The following NEBL variants were observed in gnomAD, a reference collection of about 807,000 sequenced individuals.
NEBL encodes the protein LIM and SH3 protein 2.
Under a neutral mutation model 140.2 loss-of-function variants are expected in NEBL, and 122 were observed. That is an observed-to-expected ratio of 0.87 (90% CI 0.75 to 1.01). The LOEUF is 1.01. Among genes scored for constraint, NEBL ranks in the 50% least tolerant of loss-of-function variants. The probability of loss-of-function intolerance (pLI) is 0.00; values close to 1 mark genes in which losing one functional copy is unlikely to be tolerated. For missense variants in NEBL, 1,365 were observed against 1,231.3 expected (o/e 1.11, Z -1.62); for synonymous variants, 436 against 398.9 (o/e 1.09, Z -1.11).
chr10:21,105,180 T>C (rs556372519), intron 2 of NEBL, among the ~76,000 whole-genome samples: 1 of 149,646 alleles, frequency 6.7e-6, no homozygotes, highest in East Asian at 1.9e-4. Context: ...CCTGTAATAA[T>C]CTTCATTTCT....
chr10:21,139,124 A>T (rs1336403909), intron 2 of NEBL, among the ~76,000 whole-genome samples: 1 of 152,190 alleles, frequency 6.6e-6, no homozygotes, highest in African/African-American at 2.4e-5. Flanking sequence ...CTCAGATGTT[A>T]AGAGTCACGG....
At chr10:21,168,806 T>A (rs1252266463) in intron 2 of NEBL, among the ~76,000 whole-genome samples, 1 of 151,430 alleles carries the variant, frequency 6.6e-6, no homozygotes, top group Admixed American at 6.6e-5. Flanking sequence ...CTCAGCACTT[T>A]GGGAGGCTGA....
chr10:20,927,056 G>C (rs1036925151), intron 4 of NEBL, among the ~76,000 whole-genome samples: 5 of 152,186 alleles, frequency 3.3e-5, no homozygotes, highest in African/African-American at 1.2e-4. Flanking sequence ...AGGAACTGGA[G>C]AGATTTGGAG....
Position 21,173,941 on chromosome 10 carries a change from G to T in NEBL, c.-108C>A. On this transcript the variant is annotated 5_prime_UTR_variant, in exon 1 of 7. Transcript: ENST00000417816. This position sits in a 1 kb window ranked among gnomAD's most constrained non-coding sequence, Gnocchi z 5.7. ...GCCTCCTGGCAGGCGGGAGGGCTGC[G>T]GGCGGCGGGCGCCGGGTAGGGAGTC... 7.2e-7 allele frequency: 1 copy of T among 1,394,036 alleles called. No individual in the cohort carries two copies. The highest frequency in any genetic ancestry group is 1.5e-5 in the African/African-American group (1 of 65,268). The allele number at this position is 1,394,036 out of a possible 1,614,324, so 86.4% of individuals were successfully genotyped here. A position where few individuals can be genotyped will look rare whatever the true frequency, so the allele number is the denominator to read the frequency against.
At chr10:20,885,356 TAGC>T (rs1257259862) in intron 4 of NEBL, among the ~76,000 whole-genome samples, 1 of 152,220 alleles carries the variant, frequency 6.6e-6, no homozygotes, top group African/African-American at 2.4e-5. Flanking sequence ...ATCTTTGAAG[TAGC>T]CGCCTTATTC....
At chr10:21,266,627 G>A (rs561177475) in intron 1 of NEBL, among the ~76,000 whole-genome samples, 66 of 152,116 alleles carry the variant, frequency 4.3e-4, no homozygotes, top group South Asian at 6.2e-4. Flanking sequence ...TGGTTTGCCC[G>A]TGGATCCACA....
At chr10:21,160,634 G>T (rs375064114) in intron 2 of NEBL, among the ~76,000 whole-genome samples, 10 of 119,990 alleles carry the variant, frequency 8.3e-5, no homozygotes, top group African/African-American at 3.1e-4. Context: ...GAAACGGAGA[G>T]ATAGTGGGGT....
chr10:21,146,600 G>C (rs1839906617), intron 2 of NEBL: 1 of 902,260 alleles, frequency 1.1e-6, no homozygotes, highest in Admixed American at 2.3e-5. Context: ...GAAGCTCTTA[G>C]CAACCGTTGC....
chr10:21,019,532 C>T (rs916551398), intron 3 of NEBL, among the ~76,000 whole-genome samples: 3 of 152,240 alleles, frequency 2.0e-5, no homozygotes, highest in Admixed American at 6.5e-5. Flanking sequence ...CTGCAGAAAA[C>T]GCTGCCACTC....
intron 3 of NEBL, among the ~76,000 whole-genome samples, chr10:20,964,942 C>T (rs150979487): frequency 5.3e-4 from 80 of 152,304 alleles, no homozygotes; most frequent in South Asian, 2.3e-3. Flanking sequence ...AACCAGCCCC[C>T]GTGTCCATGT....
At chr10:21,158,844 G>A (rs1751916) in intron 2 of NEBL, among the ~76,000 whole-genome samples, 77,814 of 152,148 alleles carry the variant, frequency 0.51, 23,259 homozygotes, top group African/African-American at 0.83. Context: ...GGAATTGCAT[G>A]AAAGCTAAAT....
intron 3 of NEBL, among the ~76,000 whole-genome samples, chr10:20,970,571 C>T (rs1173781760): frequency 6.6e-6 from 1 of 151,952 alleles, no homozygotes; most frequent in African/African-American, 2.4e-5. Flanking sequence ...ATTGCTTGAG[C>T]CTGTGAGGTG....
At chr10:20,834,085 A>G (rs1039131070) in intron 14 of NEBL, among the ~76,000 whole-genome samples, 2 of 152,230 alleles carry the variant, frequency 1.3e-5, no homozygotes, top group Non-Finnish European at 1.5e-5. Flanking sequence ...AAATGGTCAC[A>G]TATTCACATC....
chr10:21,118,147 C>A (rs1035200081), intron 2 of NEBL, among the ~76,000 whole-genome samples: 3 of 152,128 alleles, frequency 2.0e-5, no homozygotes, highest in Non-Finnish European at 4.4e-5. Context: ...ACAGCCTACA[C>A]CTGAACTGTC....
chr10:21,075,437 A>G (rs1836020542), intron 2 of NEBL, among the ~76,000 whole-genome samples: 1 of 152,144 alleles, frequency 6.6e-6, no homozygotes, highest in Non-Finnish European at 1.5e-5. Flanking sequence ...CTCCACCACT[A>G]TTTGATTACC....
At chr10:21,185,394 G>A (rs1462524533) in intron 3 of NEBL, among the ~76,000 whole-genome samples, 1 of 151,452 alleles carries the variant, frequency 6.6e-6, no homozygotes, top group Non-Finnish European at 1.5e-5. Context: ...AGAGGAGGAT[G>A]TGGCTTCTCA....
At chr10:21,211,642 T>C (rs563335758) in intron 3 of NEBL, among the ~76,000 whole-genome samples, 1 of 152,324 alleles carries the variant, frequency 6.6e-6, no homozygotes, top group South Asian at 2.1e-4. Context: ...CCATCTCCTC[T>C]TGAACAGAGA....
chr10:20,801,368 T>A (rs1013399993), intron 26 of NEBL, among the ~76,000 whole-genome samples: 1 of 151,932 alleles, frequency 6.6e-6, no homozygotes, highest in Non-Finnish European at 1.5e-5. Context: ...AGCTAATTTT[T>A]GTATTTTTAG....
intron 3 of NEBL, among the ~76,000 whole-genome samples, chr10:21,228,646 C>T (rs181452463): frequency 1.3e-5 from 2 of 152,156 alleles, no homozygotes; most frequent in Admixed American, 1.3e-4. Context: ...TTAATAAAAA[C>T]AGTCATTTTT....
Sources: gnomAD v4.1 joint callset for allele counts (sites outside exome capture counted in the v4.1 genomes callset) on GRCh38, gnomAD v4.1.1 for gene constraint, Gnocchi (gnomAD v3.1) non-coding constraint, MANE v1.5 for transcripts, NCBI Gene and HGNC (gene_info 2026-07-23, HGNC 2026-07-21) for gene names.